The following CDH4 variants were observed in gnomAD, a reference collection of about 807,000 sequenced individuals.
CDH4 encodes the protein cadherin 4, also known as cadherin-4.
CDH4 carries 33 observed loss-of-function variants against 86.0 expected under a neutral mutation model. The observed-to-expected ratio is 0.38, with a 90% CI of 0.29 to 0.51. The LOEUF is 0.51. CDH4 is among the 20% of genes least tolerant of loss of function. CDH4 has a pLI of 0.86. For synonymous variants in CDH4, 555 were observed against 549.4 expected, an observed-to-expected ratio of 1.01 and a Z score of -0.14; for missense variants, 1,114 against 1,307.4, an observed-to-expected ratio of 0.85 and a Z score of 2.28.
chr20:61,633,207 TTCCATCTC>T (rs1312458852), intron 2 of CDH4, among the ~76,000 whole-genome samples: 1 of 146,934 alleles, frequency 6.8e-6, no homozygotes, highest in Non-Finnish European at 1.5e-5. Flanking sequence ...TCATCCATCC[TTCCATCTC>T]TTCATTCATT....
intron 2 of CDH4, among the ~76,000 whole-genome samples, chr20:61,390,113 G>A (rs368777734): frequency 2.7e-5 from 4 of 150,856 alleles, no homozygotes; most frequent in African/African-American, 9.8e-5. Flanking sequence ...GTCATAGGGT[G>A]CCCATAGTGC....
chr20:61,835,922 C>T (rs1981851069), intron 4 of CDH4, among the ~76,000 whole-genome samples: 1 of 152,216 alleles, frequency 6.6e-6, no homozygotes, highest in Non-Finnish European at 1.5e-5. Context: ...GCTTGCTGCA[C>T]CTGCAAACTC....
chr20:61,914,914 C>A (rs1246268663), intron 9 of CDH4, among the ~76,000 whole-genome samples: 1 of 152,184 alleles, frequency 6.6e-6, no homozygotes, highest in Non-Finnish European at 1.5e-5. Flanking sequence ...TCTTCATGAC[C>A]TAGAGAACTA....
At chr20:61,485,225 C>T (rs2085589444) in intron 2 of CDH4, among the ~76,000 whole-genome samples, 1 of 152,162 alleles carries the variant, frequency 6.6e-6, no homozygotes. Context: ...AATTGTATTC[C>T]ATTAACTTTC....
At chr20:61,851,492 G>A (rs148159685) in intron 5 of CDH4, among the ~76,000 whole-genome samples, 9 of 152,292 alleles carry the variant, frequency 5.9e-5, no homozygotes, top group African/African-American at 2.2e-4. Flanking sequence ...GGGATGATGT[G>A]GAGACCCGTC....
intron 3 of CDH4, among the ~76,000 whole-genome samples, chr20:61,745,900 G>A (rs776855787): frequency 2.4e-4 from 36 of 152,202 alleles, no homozygotes; most frequent in Admixed American, 3.3e-4. Flanking sequence ...TTAATGAAGC[G>A]ATTTCAGATT....
intron 2 of CDH4, among the ~76,000 whole-genome samples, chr20:61,586,759 G>A (rs2086479261): frequency 6.6e-6 from 1 of 152,158 alleles, no homozygotes; most frequent in Non-Finnish European, 1.5e-5. Flanking sequence ...TCACCATCCT[G>A]TTTGCCCTTG....
intron 2 of CDH4, among the ~76,000 whole-genome samples, chr20:61,694,942 C>T (rs2087701258): frequency 6.6e-6 from 1 of 152,212 alleles, no homozygotes; most frequent in South Asian, 2.1e-4. Context: ...GCCTGTTGTG[C>T]CTTCAGAGAC....
chr20:61,649,778 C>T (rs1278757893), intron 2 of CDH4, among the ~76,000 whole-genome samples: 1 of 152,242 alleles, frequency 6.6e-6, no homozygotes, highest in African/African-American at 2.4e-5. Flanking sequence ...GGTCTGTGAT[C>T]TCTTACTCCC....
intron 6 of CDH4, among the ~76,000 whole-genome samples, chr20:61,860,796 C>G (rs1050721722): frequency 2.6e-5 from 4 of 152,148 alleles, no homozygotes; most frequent in Admixed American, 2.6e-4. Context: ...TAATGGCCCA[C>G]AGGCTGTGTT....
At chr20:61,606,966 G>T (rs62200485) in intron 2 of CDH4, among the ~76,000 whole-genome samples, 1 of 152,108 alleles carries the variant, frequency 6.6e-6, no homozygotes. Flanking sequence ...TGAGTCAAAG[G>T]TCTGCTGAGT....
At chr20:61,554,260 G>A (rs1457186104) in intron 2 of CDH4, among the ~76,000 whole-genome samples, 1 of 152,132 alleles carries the variant, frequency 6.6e-6, no homozygotes, top group Non-Finnish European at 1.5e-5. Flanking sequence ...ATTGCCCTTG[G>A]ACTCCCAGCT....
At chr20:61,257,171 G>A (rs1049052687) in intron 2 of CDH4, among the ~76,000 whole-genome samples, 1 of 152,190 alleles carries the variant, frequency 6.6e-6, no homozygotes, top group African/African-American at 2.4e-5. Flanking sequence ...TCACAGAGTG[G>A]CCATGTTCCT....
At chr20:61,455,848 A>G (rs2085403930) in intron 2 of CDH4, among the ~76,000 whole-genome samples, 1 of 152,212 alleles carries the variant, frequency 6.6e-6, no homozygotes, top group South Asian at 2.1e-4. Context: ...CCAAGCAAGC[A>G]TGAAGGAGCC....
intron 2 of CDH4, among the ~76,000 whole-genome samples, chr20:61,358,697 A>C (rs2084767089): frequency 6.6e-6 from 1 of 152,198 alleles, no homozygotes; most frequent in Non-Finnish European, 1.5e-5. Context: ...TCTTGCGAAC[A>C]CATTTGCCTG....
At chr20:61,456,708 C>T (rs1039028472) in intron 2 of CDH4, among the ~76,000 whole-genome samples, 7 of 152,310 alleles carry the variant, frequency 4.6e-5, no homozygotes, top group Admixed American at 3.3e-4. Context: ...ACAACAGACA[C>T]GGGAGAGGCA....
intron 2 of CDH4, among the ~76,000 whole-genome samples, chr20:61,685,878 T>C (rs1275389059): frequency 6.6e-6 from 1 of 152,212 alleles, no homozygotes; most frequent in African/African-American, 2.4e-5. Flanking sequence ...GGCTGTGGGA[T>C]CCCCACTGGG....
chr20:61,726,504 G>T (rs1209890054), intron 2 of CDH4, among the ~76,000 whole-genome samples: 2 of 152,196 alleles, frequency 1.3e-5, no homozygotes, highest in Admixed American at 6.5e-5. Flanking sequence ...CTAGTGAGGT[G>T]CTCTGTGTCT....
intron 2 of CDH4, among the ~76,000 whole-genome samples, chr20:61,532,961 A>C (rs1227480302): frequency 1.3e-5 from 2 of 151,914 alleles, no homozygotes; most frequent in African/African-American, 4.8e-5. Context: ...TGTGGTTCTT[A>C]TCTCAGGCTC....
Sources: allele counts gnomAD v4.1 joint callset (sites outside exome capture counted in the v4.1 genomes callset), GRCh38; gene constraint gnomAD v4.1.1; transcripts MANE v1.5; gene names NCBI Gene and HGNC (gene_info 2026-07-23, HGNC 2026-07-21).